DPYSL5: variants seen among roughly 807,000 people sequenced by gnomAD.
The protein encoded by DPYSL5 is dihydropyrimidinase like 5, also known as dihydropyrimidinase-related protein 5.
DPYSL5 carries 9 observed loss-of-function variants against 58.4 expected under a neutral mutation model. That is an observed-to-expected ratio of 0.15 (90% confidence interval 0.09 to 0.27). The LOEUF (loss-of-function observed/expected upper bound fraction) is 0.27, where lower values mean the gene tolerates loss of function less well. Among genes scored for constraint, DPYSL5 ranks in the 10% least tolerant of loss-of-function variants. The pLI, the probability that DPYSL5 is intolerant of heterozygous loss-of-function variation, is 1.00. For missense variants in DPYSL5, 499 were observed against 770.6 expected (o/e 0.65, Z 4.17); for synonymous variants, 293 against 301.9 (o/e 0.97, Z 0.31).
intron 5 of DPYSL5, among the ~76,000 whole-genome samples, chr2:26,930,757 G>A (rs1308043330): frequency 6.6e-6 from 1 of 152,080 alleles, no homozygotes; most frequent in Non-Finnish European, 1.5e-5. Context: ...GGCAGATCAC[G>A]AGGTCAGGAG....
In DPYSL5 at chr2:26,948,075, A is replaced by G. The variant is rs1363589796; in HGVS notation, c.*1080A>G. 1.6e-4 allele frequency: 5 copies of G among 31,998 alleles called. No homozygotes were observed. The highest frequency in any genetic ancestry group is 3.5e-4 in the Non-Finnish European group (4 of 11,522). 2.0% of individuals were successfully genotyped at this position (31,998 alleles called of 1,614,324 possible). ...CCTTCCCCTGTCTTCACCTGCCACCACACACACACACACACACACACACAC... is the reference window on the plus strand; with the variant it reads ...CCTTCCCCTGTCTTCACCTGCCACCGCACACACACACACACACACACACAC... On this transcript the variant is annotated 3_prime_UTR_variant, in exon 13 of 13. Transcript: ENST00000288699.
At position 26,925,183 on chromosome 2, in the gene DPYSL5, A is replaced by G. The variant is rs980337651; in HGVS notation, c.420+138A>G. On this transcript the variant is annotated intron_variant, in intron 3 of 12. Transcript: ENST00000288699. The surrounding 1 kb of genome is among the most constrained non-coding windows in gnomAD (Gnocchi z 4.5). ...TAGCTCCCCACAATGCCAAAAGAAA[A>G]CACACTTGGGATTCCATAAGGGGAG... 2.4e-5 allele frequency: 28 copies of G among 1,159,720 alleles called. No individual in the cohort carries two copies. In the African/African-American group the frequency reaches 3.9e-4, roughly 16 times the overall value. 71.8% of individuals were successfully genotyped at this position (1,159,720 alleles called of 1,614,324 possible).
Position 26,949,100 on chromosome 2 carries a change from T to A in DPYSL5, c.*2105T>A, listed in dbSNP as rs1240008482. 1.3e-5 allele frequency: 2 copies of A among 152,052 alleles called. No homozygotes were observed. The highest frequency in any genetic ancestry group is 1.3e-4 in the Admixed American group (2 of 15,270). The allele number at this position is 152,052 out of a possible 1,614,324, so 9.4% of individuals were successfully genotyped here. A position where few individuals can be genotyped will look rare whatever the true frequency, so the allele number is the denominator to read the frequency against. On this transcript the variant is annotated 3_prime_UTR_variant, in exon 13 of 13. Transcript: ENST00000288699. ...CCACCTGTGGAGAGGAGGTCTGGGG[T>A]GACATCTATTGTAGATCCCACCTGA...
chr2:26,872,937 T>C (rs1002211499), intron 1 of DPYSL5, among the ~76,000 whole-genome samples: 4 of 152,230 alleles, frequency 2.6e-5, no homozygotes, highest in African/African-American at 4.8e-5. Context: ...TTTATTTACA[T>C]GTAGAACAGA....
In DPYSL5 at chr2:26,849,617, A is replaced by C. The variant is rs1394334630; in HGVS notation, c.-5+1363A>C. Among the ~76,000 whole-genome samples the C allele has an allele frequency of 6.6e-6, 1 of 152,214 alleles. No homozygotes were observed. The highest frequency in any genetic ancestry group is 2.4e-5 in the African/African-American group (1 of 41,458). ...CTCGAGGAGCTGAAAGGCTTTGCCC[A>C]GCAGCAGGTGCTGCCAGGGAGGCGG... On this transcript the variant is annotated intron_variant, in intron 1 of 12. Coordinates refer to ENST00000288699, the MANE Select transcript of DPYSL5 (RefSeq NM_020134.4). This position sits in a 1 kb window ranked among gnomAD's most constrained non-coding sequence, Gnocchi z 6.2.
intron 2 of DPYSL5, among the ~76,000 whole-genome samples, chr2:26,901,228 G>A (rs1664147335): frequency 6.6e-6 from 1 of 152,074 alleles, no homozygotes. Context: ...CCTGGCAGCT[G>A]GTATCACTTA....
At chr2:26,945,061 C>T (rs1043324915) in intron 12 of DPYSL5, among the ~76,000 whole-genome samples, 3 of 152,126 alleles carry the variant, frequency 2.0e-5, no homozygotes, top group Non-Finnish European at 4.4e-5. Context: ...GGGCTCTGCT[C>T]GGGGTTTCTA....
chr2:26,912,627 T>C (rs1226991926), intron 2 of DPYSL5, among the ~76,000 whole-genome samples: 2 of 152,208 alleles, frequency 1.3e-5, no homozygotes, highest in African/African-American at 4.8e-5. Flanking sequence ...ACAGCTCCTC[T>C]GAGGAGCCTC....
intron 2 of DPYSL5, among the ~76,000 whole-genome samples, chr2:26,907,953 G>A (rs1177391943): frequency 6.6e-6 from 1 of 152,180 alleles, no homozygotes; most frequent in Non-Finnish European, 1.5e-5. Context: ...TGGAGTGGGA[G>A]TTATCAGCAC....
chr2:26,884,154 G>A (rs1663646835), intron 1 of DPYSL5, among the ~76,000 whole-genome samples: 1 of 152,222 alleles, frequency 6.6e-6, no homozygotes, highest in Non-Finnish European at 1.5e-5. Context: ...TCTGCCAGGA[G>A]TCGGTGCCGG....
intron 5 of DPYSL5, among the ~76,000 whole-genome samples, chr2:26,929,999 G>A (rs751777193): frequency 3.9e-5 from 6 of 152,204 alleles, no homozygotes; most frequent in Admixed American, 1.3e-4. Context: ...GATTGAGGGG[G>A]AGGCCTCGAG....
chr2:26,921,885 T>G (rs942894817), intron 2 of DPYSL5, among the ~76,000 whole-genome samples: 2 of 152,146 alleles, frequency 1.3e-5, no homozygotes, highest in African/African-American at 4.8e-5. Flanking sequence ...GGCACGTGGC[T>G]GCTCCTAGAT....
chr2:26,895,764 T>C (rs1488449613), intron 1 of DPYSL5, among the ~76,000 whole-genome samples: 2 of 150,208 alleles, frequency 1.3e-5, no homozygotes, highest in Admixed American at 6.6e-5. Flanking sequence ...TTCTGTTCTC[T>C]ATTTCTTTTT....
At chr2:26,871,871 T>C (rs1663269914) in intron 1 of DPYSL5, among the ~76,000 whole-genome samples, 2 of 152,192 alleles carry the variant, frequency 1.3e-5, no homozygotes, top group African/African-American at 4.8e-5. Context: ...AATAGAAACA[T>C]TTGCCATAAA....
chr2:26,931,225 A>G (rs1266157648), intron 5 of DPYSL5, among the ~76,000 whole-genome samples: 41 of 124,834 alleles, frequency 3.3e-4, no homozygotes, highest in African/African-American at 1.2e-3. Flanking sequence ...ATATATATAT[A>G]TATATGAATT....
chr2:26,871,885 A>G (rs1326585194), intron 1 of DPYSL5, among the ~76,000 whole-genome samples: 8 of 152,250 alleles, frequency 5.3e-5, no homozygotes, highest in Non-Finnish European at 7.3e-5. Context: ...CCATAAATAG[A>G]TAACTAGAAA....
chr2:26,878,992 G>C (rs928165404), intron 1 of DPYSL5, among the ~76,000 whole-genome samples: 2 of 152,206 alleles, frequency 1.3e-5, no homozygotes, highest in African/African-American at 4.8e-5. Flanking sequence ...AGCCCTTCCA[G>C]CTCCTTGTCT....
chr2:26,880,338 T>G (rs1663525114), intron 1 of DPYSL5, among the ~76,000 whole-genome samples: 1 of 152,218 alleles, frequency 6.6e-6, no homozygotes, highest in South Asian at 2.1e-4. Flanking sequence ...CATGCCTGGC[T>G]TGGCATAATC....
chr2:26,851,307 T>C (rs1384652099), intron 1 of DPYSL5, among the ~76,000 whole-genome samples: 3 of 45,586 alleles, frequency 6.6e-5, no homozygotes, highest in Admixed American at 2.4e-4. Flanking sequence ...AGGGAATCCA[T>C]AGACAAGGAA....
Sources: allele counts gnomAD v4.1 joint callset (sites outside exome capture counted in the v4.1 genomes callset), GRCh38; gene constraint gnomAD v4.1.1; non-coding constraint Gnocchi (gnomAD v3.1); transcripts MANE v1.5; gene names NCBI Gene and HGNC (gene_info 2026-07-23, HGNC 2026-07-21).